CDC14B: variants seen among roughly 807,000 people sequenced by gnomAD.
CDC14B encodes the protein cell division cycle 14B, also known as dual specificity protein phosphatase CDC14B.
Under a neutral mutation model 64.2 loss-of-function variants are expected in CDC14B, and 22 were observed. That is an observed-to-expected ratio of 0.34 (90% CI 0.24 to 0.49). The LOEUF is 0.49. Among genes scored for constraint, CDC14B ranks in the 20% least tolerant of loss-of-function variants. The pLI, the probability that CDC14B is intolerant of heterozygous loss-of-function variation, is 0.99. For missense variants in CDC14B, 498 were observed against 629.9 expected, an observed-to-expected ratio of 0.79 and a Z score of 2.24; for synonymous variants, 191 against 215.8, an observed-to-expected ratio of 0.89 and a Z score of 1.01.
At chr9:96,605,951 A>C (rs1289922722) in intron 1 of CDC14B, among the ~76,000 whole-genome samples, 1 of 152,170 alleles carries the variant, frequency 6.6e-6, no homozygotes, top group East Asian at 1.9e-4. Flanking sequence ...TGTAACAGGT[A>C]CACAAAAAAT....
At chr9:96,492,398 G>A (rs367896485) in exon 14 of CDC14B, 1 of 152,578 alleles carries the variant, frequency 6.6e-6, no homozygotes, top group African/African-American at 2.4e-5. Context: ...CTGTCACCAG[G>A]TGGGGAAAGC....
At chr9:96,534,371 A>C (rs1838972661) in intron 8 of CDC14B, 84 bp downstream of exon 8, 4 of 995,954 alleles carry the variant, frequency 4.0e-6, no homozygotes, top group Non-Finnish European at 6.3e-6. Flanking sequence ...ACACTTGGTC[A>C]AGCTTGGTGT....
At chr9:96,568,368 G>T (rs914759212) in intron 1 of CDC14B, among the ~76,000 whole-genome samples, 1 of 152,092 alleles carries the variant, frequency 6.6e-6, no homozygotes, top group Admixed American at 6.6e-5. Context: ...GAGATAAACT[G>T]GAAAAATATG....
intron 1 of CDC14B, among the ~76,000 whole-genome samples, chr9:96,577,893 T>A (rs1844905816): frequency 6.6e-6 from 1 of 152,236 alleles, no homozygotes; most frequent in Non-Finnish European, 1.5e-5. Flanking sequence ...AATGGGAACT[T>A]ACTTACAATG....
intron 1 of CDC14B, among the ~76,000 whole-genome samples, chr9:96,614,421 G>A (rs1046387162): frequency 6.6e-6 from 1 of 151,948 alleles, no homozygotes; most frequent in Non-Finnish European, 1.5e-5. Context: ...GGGCTCAAGC[G>A]ATCTGCCCGC....
At chr9:96,537,004 G>A (rs1839367698) in intron 7 of CDC14B, among the ~76,000 whole-genome samples, 1 of 152,114 alleles carries the variant, frequency 6.6e-6, no homozygotes, top group African/African-American at 2.4e-5. Context: ...AAGAAATTTT[G>A]TGTGGTTGGG....
chr9:96,597,613 C>T (rs945073489), intron 1 of CDC14B, among the ~76,000 whole-genome samples: 2 of 151,094 alleles, frequency 1.3e-5, no homozygotes, highest in Non-Finnish European at 2.9e-5. Flanking sequence ...AACAAAGGCA[C>T]AATGAAGACA....
intron 1 of CDC14B, among the ~76,000 whole-genome samples, chr9:96,565,687 C>G (rs1049931143): frequency 1.3e-5 from 2 of 152,164 alleles, no homozygotes; most frequent in African/African-American, 4.8e-5. Context: ...AGAGAAACTG[C>G]CTTTAACCGT....
intron 12 of CDC14B, among the ~76,000 whole-genome samples, chr9:96,518,637 T>C (rs1291351721): frequency 2.6e-5 from 4 of 151,768 alleles, no homozygotes; most frequent in Non-Finnish European, 5.9e-5. Flanking sequence ...TATTTAATCT[T>C]CCCACAAAAA....
chr9:96,520,243 A>G (rs148398673), intron 12 of CDC14B, among the ~76,000 whole-genome samples: 56 of 152,324 alleles, frequency 3.7e-4, no homozygotes, highest in African/African-American at 1.3e-3. Context: ...GTGTGGCCTA[A>G]AACTTTGTTA....
At chr9:96,569,587 T>A (rs530879949) in intron 1 of CDC14B, among the ~76,000 whole-genome samples, 1 of 152,310 alleles carries the variant, frequency 6.6e-6, no homozygotes, top group Non-Finnish European at 1.5e-5. Flanking sequence ...GGTGCTGGGT[T>A]GAGGGCCATT....
intron 1 of CDC14B, chr9:96,618,649 C>A (rs1354915509): frequency 3.8e-6 from 2 of 524,248 alleles, no homozygotes; most frequent in Non-Finnish European, 7.7e-6. Context: ...CGCTAGGGGG[C>A]AGGGCGCGGG....
intron 9 of CDC14B, among the ~76,000 whole-genome samples, chr9:96,528,267 A>G (rs1837886766): frequency 6.6e-6 from 1 of 152,132 alleles, no homozygotes; most frequent in Admixed American, 6.5e-5. Flanking sequence ...CACACCTGTA[A>G]TCTCAGAACT....
At chr9:96,492,544 G>T (rs1323632055) in exon 14 of CDC14B, 1 of 152,286 alleles carries the variant, frequency 6.6e-6, no homozygotes, top group Non-Finnish European at 1.5e-5. Context: ...AGGAGTTCGA[G>T]ACCAGCCTGG....
chr9:96,560,879 T>C (rs1486149963), intron 4 of CDC14B, among the ~76,000 whole-genome samples: 1 of 152,000 alleles, frequency 6.6e-6, no homozygotes, highest in Admixed American at 6.6e-5. Flanking sequence ...ATAGACAATC[T>C]ATAACCTATG....
At chr9:96,583,288 G>A (rs976302440) in intron 1 of CDC14B, among the ~76,000 whole-genome samples, 3 of 151,882 alleles carry the variant, frequency 2.0e-5, no homozygotes, top group East Asian at 1.9e-4. Context: ...GGAATCTAAC[G>A]AGACTGTCTT....
chr9:96,590,842 A>G lies in CDC14B; in HGVS notation c.161-25359T>C, dbSNP rs181268846. ...GCCTCCCAAGTAGCTGGGCCTACAT[A>G]CAGGTGCATGCCACAGCTCTGGCTG... On this transcript the variant is annotated intron_variant, in intron 1 of 13. Coordinates refer to ENST00000375241, the MANE Select transcript of CDC14B (RefSeq NM_033331.4). Among the ~76,000 whole-genome samples the G allele has an allele frequency of 8.5e-5, 13 of 152,190 alleles. No individual in the cohort carries two copies. In the East Asian group the frequency reaches 2.5e-3, roughly 29 times the overall value.
chr9:96,527,256 G>A (rs889829534), intron 9 of CDC14B, among the ~76,000 whole-genome samples: 4 of 152,062 alleles, frequency 2.6e-5, no homozygotes, highest in South Asian at 2.1e-4. Context: ...AAAATTAGCC[G>A]GGCGCGGTGG....
intron 5 of CDC14B, among the ~76,000 whole-genome samples, chr9:96,547,121 A>G (rs1841032353): frequency 6.6e-6 from 1 of 151,880 alleles, no homozygotes. Context: ...TATTTAACAA[A>G]TATTAGTTAA....
Sources: allele counts gnomAD v4.1 joint callset (sites outside exome capture counted in the v4.1 genomes callset), GRCh38; gene constraint gnomAD v4.1.1; transcripts MANE v1.5; gene names NCBI Gene and HGNC (gene_info 2026-07-23, HGNC 2026-07-21).